The following FGGY variants were observed in gnomAD, a reference collection of about 807,000 sequenced individuals.
FGGY encodes the protein FGGY carbohydrate kinase domain containing, also known as FGGY carbohydrate kinase domain-containing protein.
A neutral mutation model predicts 71.3 loss-of-function variants in FGGY; 72 were observed. The observed-to-expected ratio is 1.01, with a 90% CI of 0.84 to 1.23. The LOEUF is 1.23. Among genes scored for constraint, FGGY ranks in the 50% most tolerant of loss-of-function variants. The pLI is 0.00. For synonymous variants in FGGY, 251 were observed against 250.3 expected (o/e 1.00, Z -0.02); for missense variants, 668 against 682.3 (o/e 0.98, Z 0.23).
chr1:59,695,717 C>T (rs2097651713), intron 14 of FGGY, among the ~76,000 whole-genome samples: 1 of 152,184 alleles, frequency 6.6e-6, no homozygotes, highest in East Asian at 1.9e-4. Context: ...GCCCATTACA[C>T]TGTGGTCAAC....
intron 12 of FGGY, among the ~76,000 whole-genome samples, chr1:59,666,030 ACCT>A (rs1400094390): frequency 1.3e-5 from 2 of 151,318 alleles, no homozygotes; most frequent in African/African-American, 4.9e-5. Context: ...CAGCTAAAAC[ACCT>A]CCTCTCCCTC....
chr1:59,593,073 G>C (rs2096475248), intron 8 of FGGY, among the ~76,000 whole-genome samples: 1 of 152,220 alleles, frequency 6.6e-6, no homozygotes, highest in Non-Finnish European at 1.5e-5. Context: ...TGCTGATCTA[G>C]AGCCCAGTAG....
chr1:59,380,059 C>T (rs1221692749), intron 5 of FGGY, among the ~76,000 whole-genome samples: 4 of 151,850 alleles, frequency 2.6e-5, no homozygotes, highest in African/African-American at 7.3e-5. Context: ...GGTTTTTTGT[C>T]CTTGCGATAG....
At chr1:59,572,144 G>A (rs899765348) in intron 8 of FGGY, among the ~76,000 whole-genome samples, 1 of 152,182 alleles carries the variant, frequency 6.6e-6, no homozygotes, top group African/African-American at 2.4e-5. Context: ...TGATATGTAA[G>A]TGCTAGAAAG....
intron 11 of FGGY, among the ~76,000 whole-genome samples, chr1:59,645,050 G>A (rs77983716): frequency 0.017 from 2,634 of 152,070 alleles, 27 homozygotes; most frequent in South Asian, 0.041. Context: ...TTTTTTTGGT[G>A]GTTATTTTTA....
intron 14 of FGGY, among the ~76,000 whole-genome samples, 182 bp downstream of exon 14, chr1:59,674,315 T>C (rs1292463718): frequency 6.6e-6 from 1 of 152,254 alleles, no homozygotes; most frequent in East Asian, 1.9e-4. Context: ...TCATTTGACT[T>C]GGCCTCGGTT....
intron 5 of FGGY, among the ~76,000 whole-genome samples, chr1:59,382,555 T>C (rs1217280004): frequency 2.0e-5 from 3 of 152,172 alleles, no homozygotes; most frequent in African/African-American, 7.2e-5. Flanking sequence ...GGGAGGGCAG[T>C]GTGTAGGTGA....
chr1:59,675,545 T>C (rs1455649765), intron 14 of FGGY, among the ~76,000 whole-genome samples: 1 of 152,236 alleles, frequency 6.6e-6, no homozygotes, highest in Admixed American at 6.5e-5. Flanking sequence ...TGAATTCTTG[T>C]GGATTCTGAG....
At chr1:59,316,588 A>G (rs1190859008) in intron 1 of FGGY, among the ~76,000 whole-genome samples, 1 of 152,202 alleles carries the variant, frequency 6.6e-6, no homozygotes, top group Non-Finnish European at 1.5e-5. Context: ...AGAATCAGCC[A>G]CAAAGTCTGT....
intron 14 of FGGY, among the ~76,000 whole-genome samples, chr1:59,743,779 A>G (rs2098170221): frequency 6.6e-6 from 1 of 152,180 alleles, no homozygotes. Flanking sequence ...CAACCCAAAA[A>G]TAAACTTTGT....
At position 59,347,687 on chromosome 1, in the gene FGGY, G is replaced by C. The variant is rs1570755493; in HGVS notation, c.465+1289G>C. ...ACTATCTGATCTTTGACAAACCTGA[G>C]AAAAACAAGAAATGGGGAAAGGATT... On this transcript the variant is annotated intron_variant, in intron 4 of 15. Transcript: ENST00000303721. Among the ~76,000 whole-genome samples, 4 of 152,186 alleles carry C rather than the reference G, an allele frequency of 2.6e-5. No homozygotes were observed. The East Asian group carries it at 7.7e-4, about 29-fold the overall frequency.
intron 6 of FGGY, among the ~76,000 whole-genome samples, chr1:59,476,095 T>C (rs1206447592): frequency 6.6e-6 from 1 of 152,222 alleles, no homozygotes; most frequent in African/African-American, 2.4e-5. Flanking sequence ...AACTCTGCCT[T>C]CTGTCTGGCA....
At chr1:59,459,344 C>T (rs966305203) in intron 6 of FGGY, among the ~76,000 whole-genome samples, 2 of 152,106 alleles carry the variant, frequency 1.3e-5, no homozygotes, top group South Asian at 2.1e-4. Flanking sequence ...ATGTTACTAC[C>T]TAATGCCTTC....
intron 9 of FGGY, among the ~76,000 whole-genome samples, chr1:59,610,708 G>A (rs768712400): frequency 6.6e-6 from 1 of 152,226 alleles, no homozygotes; most frequent in Non-Finnish European, 1.5e-5. Context: ...CCGAAGCAGG[G>A]CGAGGCATCG....
chr1:59,590,113 C>T (rs1428831154), intron 8 of FGGY, among the ~76,000 whole-genome samples: 1 of 152,170 alleles, frequency 6.6e-6, no homozygotes, highest in Non-Finnish European at 1.5e-5. Context: ...AATATCACCA[C>T]TGACCCCACA....
intron 14 of FGGY, among the ~76,000 whole-genome samples, chr1:59,720,110 T>C (rs981692556): frequency 1.3e-5 from 2 of 152,200 alleles, no homozygotes; most frequent in African/African-American, 4.8e-5. Context: ...CTGGGGTCTC[T>C]CCTCTGATTA....
chr1:59,725,107 T>G (rs1004538658), intron 14 of FGGY, among the ~76,000 whole-genome samples: 7 of 152,232 alleles, frequency 4.6e-5, no homozygotes, highest in African/African-American at 1.7e-4. Context: ...CAATTACATA[T>G]GTGATCCACT....
intron 14 of FGGY, among the ~76,000 whole-genome samples, chr1:59,697,295 G>A (rs897056423): frequency 3.9e-5 from 6 of 152,008 alleles, no homozygotes; most frequent in South Asian, 4.1e-4. Context: ...ATCCATCTCC[G>A]GAACTCTTTT....
intron 7 of FGGY, among the ~76,000 whole-genome samples, chr1:59,536,204 T>TA (rs1354934344): frequency 4.6e-5 from 7 of 151,800 alleles, no homozygotes; most frequent in East Asian, 1.9e-4. Context: ...CAAACACCTC[T>TA]CTGCAAATAA....
Sources: allele counts gnomAD v4.1 joint callset (sites outside exome capture counted in the v4.1 genomes callset), GRCh38; gene constraint gnomAD v4.1.1; transcripts MANE v1.5; gene names NCBI Gene and HGNC (gene_info 2026-07-23, HGNC 2026-07-21).